Variants in RBMS3 observed in about 807,000 individuals in gnomAD.
RBMS3 encodes RNA binding motif single stranded interacting protein 3, also known as RNA-binding motif, single-stranded-interacting protein 3.
In RBMS3, 27 loss-of-function variants were observed where a neutral mutation model predicts 66.8. The ratio of observed to expected loss-of-function variants is 0.40; its 90% CI spans 0.30 to 0.56. RBMS3 has a LOEUF of 0.56. Ranked by LOEUF, RBMS3 falls within the 20% of genes least tolerant of loss-of-function variation. The pLI is 0.40. For synonymous variants in RBMS3, 188 were observed against 183.0 expected (o/e 1.03, Z -0.22); for missense variants, 513 against 549.5 (o/e 0.93, Z 0.66).
At chr3:29,907,631 G>T (rs1166706550) in intron 10 of RBMS3, among the ~76,000 whole-genome samples, 2 of 151,818 alleles carry the variant, frequency 1.3e-5, no homozygotes, top group African/African-American at 2.4e-5. Context: ...TATACTTCCG[G>T]ATTATACTTG....
intron 6 of RBMS3, among the ~76,000 whole-genome samples, chr3:29,813,660 C>A (rs920169004): frequency 6.6e-6 from 1 of 151,880 alleles, no homozygotes. Context: ...TTTCGTTGAG[C>A]CGTGGTTTGT....
intron 12 of RBMS3, among the ~76,000 whole-genome samples, chr3:29,984,336 T>C (rs1032454394): frequency 6.6e-6 from 1 of 152,026 alleles, no homozygotes; most frequent in Non-Finnish European, 1.5e-5. Context: ...GTTTCTTAGC[T>C]TCCTTTCATT....
intron 1 of RBMS3, among the ~76,000 whole-genome samples, chr3:29,300,631 T>G (rs2125445014): frequency 6.6e-6 from 1 of 152,136 alleles, no homozygotes; most frequent in Admixed American, 6.6e-5. Context: ...TATTTGTTCC[T>G]ATAAAAAATA....
intron 4 of RBMS3, among the ~76,000 whole-genome samples, chr3:29,625,464 C>T (rs774552785): frequency 2.0e-5 from 3 of 152,030 alleles, no homozygotes; most frequent in Non-Finnish European, 4.4e-5. Flanking sequence ...GAGGCCGAGG[C>T]AGGTGGATCA....
intron 4 of RBMS3, among the ~76,000 whole-genome samples, chr3:29,608,905 C>A (rs561353978): frequency 6.6e-6 from 1 of 151,926 alleles, no homozygotes; most frequent in Non-Finnish European, 1.5e-5. Flanking sequence ...CAGAAGTCTT[C>A]TCTTATGTTA....
At chr3:29,998,963 T>C (rs1051081274) in intron 14 of RBMS3, among the ~76,000 whole-genome samples, 6 of 151,942 alleles carry the variant, frequency 3.9e-5, no homozygotes, top group Non-Finnish European at 5.9e-5. Context: ...CAAAAGAAAC[T>C]ACCATCAGAG....
chr3:29,549,059 GT>G (rs5847579), intron 3 of RBMS3, among the ~76,000 whole-genome samples: 13,606 of 85,300 alleles, frequency 0.16, 665 homozygotes, highest in East Asian at 0.35. Context: ...TCCTACTTCT[GT>G]TTTTTTTTTT....
At chr3:29,376,415 C>T (rs901640253) in intron 1 of RBMS3, among the ~76,000 whole-genome samples, 1 of 152,154 alleles carries the variant, frequency 6.6e-6, no homozygotes, top group African/African-American at 2.4e-5. Context: ...GCCCTTACCC[C>T]TATCCATATG....
At chr3:29,878,195 C>T (rs2059654732) in intron 7 of RBMS3, among the ~76,000 whole-genome samples, 3 of 152,026 alleles carry the variant, frequency 2.0e-5, no homozygotes, top group African/African-American at 4.8e-5. Flanking sequence ...GGATCTCAGG[C>T]GGTAGTGCTC....
chr3:29,949,011 A>G (rs1055194595), intron 12 of RBMS3, among the ~76,000 whole-genome samples: 3 of 151,740 alleles, frequency 2.0e-5, no homozygotes, highest in Non-Finnish European at 4.4e-5. Context: ...GTATTTGACA[A>G]AAATAGGCAT....
intron 1 of RBMS3, among the ~76,000 whole-genome samples, chr3:29,316,181 C>G (rs1320643904): frequency 6.6e-6 from 1 of 151,708 alleles, no homozygotes; most frequent in Non-Finnish European, 1.5e-5. Context: ...TGCCAGATAT[C>G]AGACATGTGA....
chr3:29,376,340 C>T (rs1354645959), intron 1 of RBMS3, among the ~76,000 whole-genome samples: 1 of 152,132 alleles, frequency 6.6e-6, no homozygotes. Context: ...TGCATATATC[C>T]CTCAACTTAA....
chr3:29,892,071 C>A (rs375212950), intron 8 of RBMS3, among the ~76,000 whole-genome samples: 1 of 151,290 alleles, frequency 6.6e-6, no homozygotes, highest in East Asian at 2.0e-4. Flanking sequence ...TACTACTGAC[C>A]GCCAAATCCC....
chr3:29,962,835 A>G (rs951564019), intron 12 of RBMS3, among the ~76,000 whole-genome samples: 54 of 152,102 alleles, frequency 3.6e-4, no homozygotes, highest in Admixed American at 3.4e-3. Flanking sequence ...TTCCTTGACT[A>G]CTGATTCACT....
chr3:29,400,052 G>A (rs558041690), intron 1 of RBMS3, among the ~76,000 whole-genome samples: 4 of 152,110 alleles, frequency 2.6e-5, no homozygotes, highest in Admixed American at 2.6e-4. Context: ...AGAAAGATTG[G>A]CACACCCAAG....
chr3:29,853,625 C>T (rs1377205280), intron 6 of RBMS3, among the ~76,000 whole-genome samples: 1 of 151,938 alleles, frequency 6.6e-6, no homozygotes, highest in African/African-American at 2.4e-5. Context: ...CCCTAATTAG[C>T]ATTTTAATGA....
rs200834709 is a variant in RBMS3, at chr3:29,286,369, A to AT, written c.75+4621dup. On this transcript the variant is annotated intron_variant, in intron 1 of 14. Coordinates refer to ENST00000383767, the MANE Select transcript of RBMS3 (RefSeq NM_001003793.3). ...ACACAATCCCAGTGCATGTTTTGCT[A>AT]TTTTTTTTCCATGATATAGACATTG... Among the ~76,000 whole-genome samples, 685 of 151,578 alleles carry AT rather than the reference A, an allele frequency of 4.5e-3. 5 individuals carry two copies. The highest frequency in any genetic ancestry group is 0.016 in the African/African-American group (657 of 41,340).
At chr3:29,891,271 C>T (rs1170015325) in intron 8 of RBMS3, among the ~76,000 whole-genome samples, 1 of 151,614 alleles carries the variant, frequency 6.6e-6, no homozygotes, top group Non-Finnish European at 1.5e-5. Flanking sequence ...TGAATCTGTG[C>T]TGTTTGCATT....
intron 3 of RBMS3, among the ~76,000 whole-genome samples, chr3:29,584,627 C>T (rs1187014535): frequency 6.6e-6 from 1 of 152,116 alleles, no homozygotes; most frequent in Admixed American, 6.6e-5. Flanking sequence ...CATATCCACT[C>T]ACCCAGTGGC....
Sources: allele counts gnomAD v4.1 joint callset (sites outside exome capture counted in the v4.1 genomes callset), GRCh38; gene constraint gnomAD v4.1.1; transcripts MANE v1.5; gene names NCBI Gene and HGNC (gene_info 2026-07-23, HGNC 2026-07-21).